UBR4: variants seen among roughly 807,000 people sequenced by gnomAD.
The protein encoded by UBR4 is E3 ubiquitin-protein ligase UBR4.
UBR4 carries 124 observed loss-of-function variants against 575.6 expected under a neutral mutation model. The ratio of observed to expected loss-of-function variants is 0.22; its 90% CI spans 0.19 to 0.25. The LOEUF (loss-of-function observed/expected upper bound fraction) is 0.25, where lower values mean the gene tolerates loss of function less well. Ranked by LOEUF, UBR4 falls within the 10% of genes least tolerant of loss-of-function variation. The pLI, the probability that UBR4 is intolerant of heterozygous loss-of-function variation, is 1.00. For missense variants in UBR4, 4,818 were observed against 6,478.8 expected (o/e 0.74, Z 8.80); for synonymous variants, 2,455 against 2,473.7 (o/e 0.99, Z 0.22).
chr1:19,075,536 C>T (rs2313165), intron 105 of UBR4: 3,092 of 157,202 alleles, frequency 0.02, 42 homozygotes, highest in South Asian at 0.054. Flanking sequence ...CAGTGGGAGC[C>T]GTAAAGAGGT....
intron 21 of UBR4, 32 bp from the exon 22 acceptor site, chr1:19,174,479 T>A (rs770732623): frequency 6.3e-7 from 1 of 1,599,858 alleles, no homozygotes; most frequent in South Asian, 1.1e-5. Flanking sequence ...AGTCATTTCC[T>A]TACTTTTAAA....
At chr1:19,190,851 C>T (rs1329406101) in intron 11 of UBR4, among the ~76,000 whole-genome samples, 2 of 152,126 alleles carry the variant, frequency 1.3e-5, no homozygotes, top group African/African-American at 4.8e-5. Context: ...TATCTTATGC[C>T]CTGCAGTCTA....
chr1:19,141,142 G>A (rs2083880929), intron 57 of UBR4, among the ~76,000 whole-genome samples: 1 of 152,208 alleles, frequency 6.6e-6, no homozygotes, highest in African/African-American at 2.4e-5. Flanking sequence ...AACCCAAACT[G>A]GCAGAAACTA....
chr1:19,177,575 G>C lies in UBR4; in HGVS notation c.2523C>G (p.Ser841Arg), dbSNP rs370808393. The change falls in exon 19 of 106, where the codon AGC (serine) becomes AGG (arginine). Residue 841 changes from serine (S) to arginine (R), a missense_variant. By Grantham distance (110) the Ser-to-Arg change is moderately radical (BLOSUM62 -1). Transcript: ENST00000375254. The part of the protein sequence containing the change: ...SLFVQIIQEL[S>R]VNMDAQMRFV... ...AGCGCATCTGAGCATCCATGTTGAC[G>C]CTCAACTCCTGGATGATCTGGACAA... is the stretch of plus-strand genomic sequence containing the variant. The C allele has an allele frequency of 1.9e-6, 3 of 1,613,776 alleles. No individual in the cohort carries two copies. The highest frequency in any genetic ancestry group is 2.5e-6 in the Non-Finnish European group (3 of 1,180,002).
In UBR4 at chr1:19,093,385, T is replaced by C; in HGVS notation, c.14039A>G (p.Asp4680Gly). 1 of 1,614,248 alleles carries C rather than the reference T, an allele frequency of 6.2e-7. No individual in the cohort carries two copies. The highest frequency in any genetic ancestry group is 1.1e-5 in the South Asian group (1 of 91,088). ...GGTGATCCCCTTCTGGAGAATCAGA[T>C]CCTTCAGCTGGTGCCCATTGCTGTT... ...KNNSNGHQLK[D>G]LILQKGITQN... The change falls in exon 96 of 106, where the codon GAT becomes GGT. Residue 4680 changes from aspartate (D) to glycine (G), a missense_variant. Physicochemically the swap from Asp to Gly is moderately conservative, Grantham distance 94. This residue lies in a region of UBR4 where 165 missense variants were observed against 282.3 expected (regional missense o/e 0.58). Coordinates refer to ENST00000375254, the MANE Select transcript of UBR4 (RefSeq NM_020765.3). The surrounding 1 kb of genome is among the most constrained non-coding windows in gnomAD (Gnocchi z 4.8).
intron 8 of UBR4, among the ~76,000 whole-genome samples, chr1:19,194,207 A>T (rs1188765836): frequency 2.0e-5 from 3 of 152,262 alleles, no homozygotes; most frequent in African/African-American, 7.2e-5. Context: ...TAATAATAAT[A>T]TATCAATACT....
chr1:19,161,190 G>T (rs768945295), intron 37 of UBR4, 43 bp from the exon 38 acceptor site: 3 of 1,579,196 alleles, frequency 1.9e-6, no homozygotes, highest in Admixed American at 1.7e-5. Flanking sequence ...CTTGCCTCAA[G>T]CACAGAGGAA....
intron 81 of UBR4, among the ~76,000 whole-genome samples, chr1:19,107,951 A>G (rs2079407113): frequency 6.6e-6 from 1 of 152,240 alleles, no homozygotes; most frequent in African/African-American, 2.4e-5. Context: ...TAATTGTTTA[A>G]TGACTGCTTT....
In UBR4 at chr1:19,093,989, T is replaced by A. The variant is rs770595881; in HGVS notation, c.13897A>T (p.Ile4633Phe). 1.2e-6 allele frequency: 2 copies of A among 1,614,006 alleles called. No homozygotes were observed. The highest frequency in any genetic ancestry group is 3.3e-5 in the Admixed American group (2 of 59,996). The change falls in exon 95 of 106, where the codon ATC becomes TTC. Residue 4633 changes from isoleucine (I) to phenylalanine (F), a missense_variant. Physicochemically the swap from Ile to Phe is conservative, Grantham distance 21. Transcript: ENST00000375254. This position sits in a 1 kb window ranked among gnomAD's most constrained non-coding sequence, Gnocchi z 4.8. ...LSFGEVEKMQ[I>F]LVERFKPYCN... is the part of the protein sequence containing the mutation. The stretch of plus-strand genomic sequence containing the variant: ...TATGGTTTGAATCGCTCCACCAAGA[T>A]CTGCATTTTCTCCACCTCTCCAAAG...
intron 94 of UBR4, among the ~76,000 whole-genome samples, chr1:19,094,476 G>A (rs1273799421): frequency 6.6e-6 from 1 of 152,176 alleles, no homozygotes; most frequent in Non-Finnish European, 1.5e-5. Context: ...GAAATTACAG[G>A]CATAGCAGGT....
chr1:19,206,483 C>T (rs186637364), intron 1 of UBR4, among the ~76,000 whole-genome samples: 3 of 152,054 alleles, frequency 2.0e-5, no homozygotes, highest in African/African-American at 4.8e-5. Flanking sequence ...TACAGGCGCG[C>T]GCCACCACGC....
rs562377978 is a variant in UBR4 at position 19,141,217 on chromosome 1, C to T, written c.8488+130G>A. On this transcript the variant is annotated intron_variant, in intron 57 of 105. Coordinates refer to ENST00000375254, the MANE Select transcript of UBR4 (RefSeq NM_020765.3). ...CTCACTCTCCACCTGTATCTCTGAACAGCTCTCACCCAGATCAACCTCTCC... is the reference window on the plus strand; with the variant it reads ...CTCACTCTCCACCTGTATCTCTGAATAGCTCTCACCCAGATCAACCTCTCC... 3.9e-5 allele frequency: 49 copies of T among 1,257,864 alleles called. No homozygotes were observed. The African/African-American group carries it at 5.9e-4, about 15-fold the overall frequency. The allele number at this position is 1,257,864 out of a possible 1,614,324, so 77.9% of individuals were successfully genotyped here.
At chr1:19,150,439 C>A (rs536728053) in intron 49 of UBR4, 138 bp downstream of exon 49, 1 of 888,584 alleles carries the variant, frequency 1.1e-6, no homozygotes. Flanking sequence ...TGAATGTGGG[C>A]GAGTTGTATG....
chr1:19,177,425 T>C, intron 19 of UBR4, 36 bp downstream of exon 19: 1 of 1,602,140 alleles, frequency 6.2e-7, no homozygotes. Flanking sequence ...AAGTTCTCAG[T>C]AATGGTGAAG....
intron 51 of UBR4, among the ~76,000 whole-genome samples, chr1:19,147,574 G>A (rs886095259): frequency 2.6e-5 from 4 of 152,050 alleles, no homozygotes; most frequent in African/African-American, 9.7e-5. Context: ...CCCATCAGAG[G>A]CACTCCAAGA....
chr1:19,198,278 T>C (rs1435663465), intron 5 of UBR4, among the ~76,000 whole-genome samples: 1 of 152,198 alleles, frequency 6.6e-6, no homozygotes, highest in Non-Finnish European at 1.5e-5. Flanking sequence ...TGCCTTTATA[T>C]AGAAAACTGT....
Position 19,076,839 on chromosome 1 carries a change from T to C in UBR4, c.15388A>G (p.Asn5130Asp), listed in dbSNP as rs767458894. 1.2e-6 allele frequency: 2 copies of C among 1,612,824 alleles called. No individual in the cohort carries two copies. Among genetic ancestry groups the C allele is most frequent in the Non-Finnish European group, 1.7e-6 (2 of 1,179,502 alleles). ...SCSLAEYIRH[N>D]DMPIYEAADK... ...GCAGCTTCGTAGATGGGCATGTCGT[T>C]GTGGCGGATGTACTCAGCGAGAGAG... is the stretch of plus-strand genomic sequence containing the variant. Residue 5130 changes from asparagine to aspartate, a missense_variant, in exon 105 of 106, where the codon AAC becomes GAC. By Grantham distance (23) the Asn-to-Asp change is conservative (BLOSUM62 1). This residue lies in a region of UBR4 where 212 missense variants were observed against 221.3 expected (regional missense o/e 0.96). Transcript: ENST00000375254.
At chr1:19,111,279 C>A (rs1282370714) in intron 78 of UBR4, among the ~76,000 whole-genome samples, 6 of 152,216 alleles carry the variant, frequency 3.9e-5, no homozygotes, top group Non-Finnish European at 7.3e-5. Flanking sequence ...AAAACACAAA[C>A]CGTATCACTC....
intron 66 of UBR4, 25 bp downstream of exon 66, chr1:19,122,808 C>A: frequency 6.2e-7 from 1 of 1,613,584 alleles, no homozygotes; most frequent in Non-Finnish European, 8.5e-7. Context: ...CCCCTCCCTG[C>A]CCTACCAGGT....
Sources: allele counts gnomAD v4.1 joint callset (sites outside exome capture counted in the v4.1 genomes callset), GRCh38; gene constraint gnomAD v4.1.1; regional missense constraint gnomAD v4.1.1; non-coding constraint Gnocchi (gnomAD v3.1); transcripts MANE v1.5; gene names NCBI Gene and HGNC (gene_info 2026-07-23, HGNC 2026-07-21).